Variants in SPIDR observed in about 807,000 individuals in gnomAD.
SPIDR encodes DNA repair-scaffolding protein.
SPIDR carries 93 observed loss-of-function variants against 104.6 expected under a neutral mutation model. The observed-to-expected ratio is 0.89, with a 90% CI of 0.75 to 1.06. The LOEUF (loss-of-function observed/expected upper bound fraction) is 1.06. SPIDR is among the 50% of genes least tolerant of loss of function. SPIDR has a pLI of 0.00. For missense variants in SPIDR, 1,154 were observed against 1,111.2 expected (o/e 1.04, Z -0.55); for synonymous variants, 431 against 416.9 (o/e 1.03, Z -0.41).
intron 7 of SPIDR, among the ~76,000 whole-genome samples, chr8:47,425,908 C>CA (rs1210241351): frequency 6.6e-6 from 1 of 151,974 alleles, no homozygotes; most frequent in African/African-American, 2.4e-5. Context: ...CACAGCTTAA[C>CA]AAGTGTTATA....
At chr8:47,586,600 T>G (rs578117544) in intron 8 of SPIDR, among the ~76,000 whole-genome samples, 1 of 152,334 alleles carries the variant, frequency 6.6e-6, no homozygotes, top group African/African-American at 2.4e-5. Flanking sequence ...CTGTGTGGTT[T>G]TCAGAATTCT....
At chr8:47,657,443 GCCT>G (rs1343901556) in intron 10 of SPIDR, among the ~76,000 whole-genome samples, 3 of 152,276 alleles carry the variant, frequency 2.0e-5, no homozygotes, top group African/African-American at 7.2e-5. Flanking sequence ...TTAAAGGGCA[GCCT>G]GAGGGACCCT....
chr8:47,669,608 G>T (rs1314191697), intron 10 of SPIDR, among the ~76,000 whole-genome samples: 1 of 152,242 alleles, frequency 6.6e-6, no homozygotes, highest in Non-Finnish European at 1.5e-5. Flanking sequence ...GTAGTAGCCA[G>T]TTCCATACCT....
intron 5 of SPIDR, among the ~76,000 whole-genome samples, chr8:47,309,790 G>A (rs370023573): frequency 2.0e-5 from 3 of 152,324 alleles, no homozygotes; most frequent in African/African-American, 7.2e-5. Flanking sequence ...TGTAATCCCA[G>A]CACTTTGGGA....
intron 8 of SPIDR, among the ~76,000 whole-genome samples, chr8:47,449,628 G>A (rs148675021): frequency 1.2e-4 from 18 of 152,268 alleles, no homozygotes; most frequent in East Asian, 7.7e-4. Context: ...AGTCTTTTCC[G>A]TCAAAATTAC....
In SPIDR at chr8:47,470,605, T is replaced by C. The variant is rs555008041; in HGVS notation, c.1097+30063T>C. ...ATGAAGTGAGTTTTGACAAGGGCAC[T>C]ATGATCATTCAATATGAAGAACAGT... On this transcript the variant is annotated intron_variant, in intron 8 of 19. Transcript: ENST00000297423. 2.6e-5 allele frequency among the ~76,000 whole-genome samples: 4 copies of C among 152,312 alleles called. No homozygotes were observed. The South Asian group carries it at 8.3e-4, about 32-fold the overall frequency.
At chr8:47,286,379 T>C (rs2038853558) in intron 3 of SPIDR, among the ~76,000 whole-genome samples, 2 of 152,112 alleles carry the variant, frequency 1.3e-5, no homozygotes, top group African/African-American at 4.8e-5. Context: ...GCTGGTAAAT[T>C]CACCTAAACA....
rs556038769 is a variant in SPIDR, at chr8:47,403,140, A to G, written c.777-4721A>G. ...TCAATAGATGCAGAAAAGGCCTTTG[A>G]CAAAATTGCAACAGCCCTTCATGCT... On this transcript the variant is annotated intron_variant, in intron 6 of 19. Coordinates refer to ENST00000297423, the MANE Select transcript of SPIDR (RefSeq NM_001080394.4). Among the ~76,000 whole-genome samples the G allele has an allele frequency of 4.6e-5, 7 of 152,350 alleles. No homozygotes were observed. The South Asian group carries it at 1.4e-3, about 32-fold the overall frequency.
intron 5 of SPIDR, among the ~76,000 whole-genome samples, chr8:47,343,869 G>C (rs1417934437): frequency 6.6e-6 from 1 of 151,952 alleles, no homozygotes; most frequent in African/African-American, 2.4e-5. Flanking sequence ...ATTGTCCTTC[G>C]GGGGGGAAAA....
intron 10 of SPIDR, among the ~76,000 whole-genome samples, chr8:47,639,169 T>G (rs1179415904): frequency 6.6e-6 from 1 of 152,220 alleles, no homozygotes; most frequent in Non-Finnish European, 1.5e-5. Flanking sequence ...TGGTTGTCTT[T>G]GGTGAAATGA....
At chr8:47,567,785 T>TC (rs2058069252) in intron 8 of SPIDR, among the ~76,000 whole-genome samples, 1 of 134,898 alleles carries the variant, frequency 7.4e-6, no homozygotes, top group African/African-American at 2.8e-5. Flanking sequence ...TTTTTCTTTT[T>TC]TTTTTTTTTT....
At chr8:47,359,268 A>AAAAAAAG (rs2055229906) in intron 5 of SPIDR, among the ~76,000 whole-genome samples, 6 of 149,240 alleles carry the variant, frequency 4.0e-5, no homozygotes, top group Non-Finnish European at 5.9e-5. Context: ...AAAAAAAAAA[A>AAAAAAAG]GTTTTTTTTT....
At chr8:47,357,884 A>C in intron 5 of SPIDR, 1 of 984,048 alleles carries the variant, frequency 1.0e-6, no homozygotes, top group Non-Finnish European at 1.2e-6. Flanking sequence ...AGTAAATGAT[A>C]CTGGAGAGCA....
chr8:47,705,461 G>T (rs1342155518), intron 14 of SPIDR, among the ~76,000 whole-genome samples: 1 of 152,150 alleles, frequency 6.6e-6, no homozygotes, highest in Non-Finnish European at 1.5e-5. Context: ...GTGTGTAAAA[G>T]AATCACCAGA....
intron 8 of SPIDR, among the ~76,000 whole-genome samples, chr8:47,536,938 A>C (rs1181521114): frequency 6.6e-6 from 1 of 152,270 alleles, no homozygotes; most frequent in Non-Finnish European, 1.5e-5. Context: ...AAGGAGATGT[A>C]CAGATGGCAG....
intron 8 of SPIDR, among the ~76,000 whole-genome samples, chr8:47,548,112 T>G (rs947173393): frequency 1.3e-5 from 2 of 152,240 alleles, no homozygotes; most frequent in African/African-American, 2.4e-5. Context: ...AGTGTGTTGT[T>G]TAGTTTCCAA....
At chr8:47,404,880 G>T (rs2062496157) in intron 6 of SPIDR, among the ~76,000 whole-genome samples, 1 of 152,158 alleles carries the variant, frequency 6.6e-6, no homozygotes, top group African/African-American at 2.4e-5. Flanking sequence ...TATAAATCAT[G>T]CTGCTATAAA....
intron 10 of SPIDR, among the ~76,000 whole-genome samples, chr8:47,668,265 A>G (rs540375989): frequency 6.6e-5 from 10 of 152,170 alleles, no homozygotes; most frequent in Non-Finnish European, 1.5e-4. Flanking sequence ...ATTAAAGACC[A>G]ATATCATTAA....
intron 8 of SPIDR, among the ~76,000 whole-genome samples, chr8:47,460,598 C>G (rs1297752162): frequency 6.6e-6 from 1 of 152,002 alleles, no homozygotes; most frequent in Non-Finnish European, 1.5e-5. Flanking sequence ...TACTTCTTAT[C>G]CATTCTGCTA....
Sources: allele counts gnomAD v4.1 joint callset (sites outside exome capture counted in the v4.1 genomes callset), GRCh38; gene constraint gnomAD v4.1.1; transcripts MANE v1.5; gene names NCBI Gene and HGNC (gene_info 2026-07-23, HGNC 2026-07-21).